Variants in BMP7 observed in about 807,000 individuals in gnomAD.
BMP7 encodes the protein bone morphogenetic protein 7, also known as osteogenic protein 1.
A neutral mutation model predicts 41.2 loss-of-function variants in BMP7; 12 were observed. The ratio of observed to expected loss-of-function variants is 0.29; its 90% CI spans 0.19 to 0.47. The LOEUF (loss-of-function observed/expected upper bound fraction) is 0.47. Ranked by LOEUF, BMP7 falls within the 20% of genes least tolerant of loss-of-function variation. The pLI is 0.99. For missense variants in BMP7, 467 were observed against 606.0 expected, an observed-to-expected ratio of 0.77 and a Z score of 2.41; for synonymous variants, 248 against 250.0, an observed-to-expected ratio of 0.99 and a Z score of 0.07.
At chr20:57,255,799 C>CAAAAAAAAAAAAAAA (rs3067106) in intron 1 of BMP7, among the ~76,000 whole-genome samples, 48 of 48,554 alleles carry the variant, frequency 9.9e-4, no homozygotes, top group Middle Eastern at 0.023. Flanking sequence ...GACTCCATCT[C>CAAAAAAAAAAAAAAA]AAAAAAAAAA....
chr20:57,210,194 G>A (rs1984845386), intron 2 of BMP7, among the ~76,000 whole-genome samples: 2 of 152,220 alleles, frequency 1.3e-5, no homozygotes, highest in Non-Finnish European at 2.9e-5. Context: ...CCCCAATGCC[G>A]CCGCACTAAG....
intron 4 of BMP7, among the ~76,000 whole-genome samples, chr20:57,181,541 T>G (rs1475509060): frequency 2.0e-5 from 3 of 152,086 alleles, no homozygotes; most frequent in Non-Finnish European, 2.9e-5. Context: ...AAAATCACTT[T>G]GCCAACAAAG....
chr20:57,240,650 T>C (rs979829484), intron 1 of BMP7, among the ~76,000 whole-genome samples: 4 of 152,160 alleles, frequency 2.6e-5, no homozygotes, highest in Admixed American at 1.3e-4. Context: ...TAATTGGACT[T>C]ACAGTTCCAC....
chr20:57,222,844 G>A (rs1985221009), intron 2 of BMP7, among the ~76,000 whole-genome samples: 1 of 140,022 alleles, frequency 7.1e-6, no homozygotes, highest in African/African-American at 3.0e-5. Flanking sequence ...AGAGGCTTCT[G>A]GAAGCTTCCA....
intron 3 of BMP7, among the ~76,000 whole-genome samples, chr20:57,197,856 T>C (rs926767166): frequency 2.0e-5 from 3 of 152,176 alleles, no homozygotes; most frequent in African/African-American, 7.2e-5. Context: ...CAAAGGTGAC[T>C]GAGGAGCTGT....
intron 1 of BMP7, among the ~76,000 whole-genome samples, chr20:57,230,545 C>T (rs1221220991): frequency 6.6e-6 from 1 of 151,610 alleles, no homozygotes; most frequent in Non-Finnish European, 1.5e-5. Flanking sequence ...TGTCCAGTGA[C>T]CTCCCCAGGG....
chr20:57,174,435 T>C lies in BMP7; in HGVS notation c.1035+496A>G, dbSNP rs972534296. ...ATCCCCTGCCTTTTGCCTCACTCCA[T>C]GCAAATGGCTCCAGAGGGGGCAGCC... On this transcript the variant is annotated intron_variant, in intron 5 of 6. Transcript: ENST00000395863. The surrounding 1 kb of genome is among the most constrained non-coding windows in gnomAD (Gnocchi z 4.3). Among the ~76,000 whole-genome samples, 1 of 152,096 alleles carries C rather than the reference T, an allele frequency of 6.6e-6. No individual in the cohort carries two copies. Among genetic ancestry groups the C allele is most frequent in the Non-Finnish European group, 1.5e-5 (1 of 67,986 alleles).
chr20:57,216,026 C>T (rs972100133), intron 2 of BMP7, among the ~76,000 whole-genome samples: 10 of 152,036 alleles, frequency 6.6e-5, no homozygotes, highest in African/African-American at 1.4e-4. Context: ...AAACAAGTGA[C>T]GCAATTTCCA....
intron 4 of BMP7, among the ~76,000 whole-genome samples, chr20:57,176,520 AG>A (rs1217358031): frequency 6.6e-6 from 1 of 152,144 alleles, no homozygotes; most frequent in Non-Finnish European, 1.5e-5. Flanking sequence ...CCTGGAGCAC[AG>A]TCAGCCTCTG....
chr20:57,183,648 G>C (rs1984139601), intron 4 of BMP7, 74 bp downstream of exon 4: 1 of 1,592,570 alleles, frequency 6.3e-7, no homozygotes, highest in African/African-American at 1.3e-5. Context: ...TTTTGAGTCA[G>C]TCTCCTGCCG....
chr20:57,263,489 G>C (rs1390758657), intron 1 of BMP7, among the ~76,000 whole-genome samples: 1 of 152,182 alleles, frequency 6.6e-6, no homozygotes, highest in African/African-American at 2.4e-5. Flanking sequence ...GGAGCCCCGG[G>C]GCCTAGCCCA....
Position 57,252,383 on chromosome 20 carries a change from G to A in BMP7, c.418+13322C>T, listed in dbSNP as rs573970458. ...CAGCATTTAAGCTACAGGGAGACAC[G>A]GGAAAATATAGCTTCTGTGCTCACC... On this transcript the variant is annotated intron_variant, in intron 1 of 6. Coordinates refer to ENST00000395863, the MANE Select transcript of BMP7 (RefSeq NM_001719.3). Among the ~76,000 whole-genome samples, 386 of 152,288 alleles carry A rather than the reference G, an allele frequency of 2.5e-3. 1 individual carries two copies. Among genetic ancestry groups the A allele is most frequent in the African/African-American group, 8.8e-3 (365 of 41,548 alleles).
rs190369395 is a variant in BMP7 at position 57,238,003 on chromosome 20, A to T, written c.419-9582T>A. Reference sequence around the variant, plus strand: ...TAACATCCTAACCACTTTTACGTGTACAGTTCAGTCATTTTAAACACACGG... The same window carrying T: ...TAACATCCTAACCACTTTTACGTGTTCAGTTCAGTCATTTTAAACACACGG... On this transcript the variant is annotated intron_variant, in intron 1 of 6. Transcript: ENST00000395863. 1.7e-3 allele frequency among the ~76,000 whole-genome samples: 252 copies of T among 152,342 alleles called. 1 individual carries two copies. The highest frequency in any genetic ancestry group is 1.5e-3 in the Non-Finnish European group (102 of 68,034).
At chr20:57,242,721 T>C (rs2066074492) in intron 1 of BMP7, among the ~76,000 whole-genome samples, 1 of 152,190 alleles carries the variant, frequency 6.6e-6, no homozygotes, top group African/African-American at 2.4e-5. Context: ...TGTAAACAGC[T>C]GCCAGGCACA....
At chr20:57,209,418 C>A (rs1456674874) in intron 2 of BMP7, among the ~76,000 whole-genome samples, 1 of 151,530 alleles carries the variant, frequency 6.6e-6, no homozygotes, top group Non-Finnish European at 1.5e-5. Context: ...GCACTCCAGC[C>A]TGAGTGACAG....
At chr20:57,235,440 C>T (rs1188418633) in intron 1 of BMP7, among the ~76,000 whole-genome samples, 4 of 152,164 alleles carry the variant, frequency 2.6e-5, no homozygotes. Flanking sequence ...TGACTGTTTC[C>T]ATGTCAACAA....
chr20:57,262,464 G>GTA (rs1482419629), intron 1 of BMP7, among the ~76,000 whole-genome samples: 2 of 152,124 alleles, frequency 1.3e-5, no homozygotes, highest in African/African-American at 4.8e-5. Context: ...TGGTTTTGTC[G>GTA]TAAATTCCCC....
chr20:57,180,111 C>T (rs891314507), intron 4 of BMP7, among the ~76,000 whole-genome samples: 3 of 152,154 alleles, frequency 2.0e-5, no homozygotes, highest in Non-Finnish European at 4.4e-5. Context: ...AGTCTCCGGC[C>T]TCTGAGCACC....
At position 57,202,516 on chromosome 20, in the gene BMP7, C is replaced by T. The variant is rs202084512; in HGVS notation, c.719G>A (p.Arg240Gln). ...CGAGAGCTGCAGGCCCAGGTTGTGC[C>T]GCGGATTGACCACCCAGTGGTTGCT... is the stretch of plus-strand genomic sequence containing the variant. ...ATSNHWVVNP[R>Q]HNLGLQLSVE... Residue 240 changes from arginine to glutamine, a missense_variant, in exon 3 of 7, where the codon CGG becomes CAG. This residue lies in a region of BMP7 where 407 missense variants were observed against 485.9 expected (regional missense o/e 0.84). Coordinates refer to ENST00000395863, the MANE Select transcript of BMP7 (RefSeq NM_001719.3). 71 of 1,609,350 alleles carry T rather than the reference C, an allele frequency of 4.4e-5. No individual in the cohort carries two copies. The highest frequency in any genetic ancestry group is 5.8e-5 in the Non-Finnish European group (68 of 1,179,874).
Sources: allele counts gnomAD v4.1 joint callset (sites outside exome capture counted in the v4.1 genomes callset), GRCh38; gene constraint gnomAD v4.1.1; regional missense constraint gnomAD v4.1.1; non-coding constraint Gnocchi (gnomAD v3.1); transcripts MANE v1.5; gene names NCBI Gene and HGNC (gene_info 2026-07-23, HGNC 2026-07-21).